Variants in SMC5 observed in about 807,000 individuals in gnomAD.
SMC5 encodes structural maintenance of chromosomes 5.
In SMC5, 88 loss-of-function variants were observed where a neutral mutation model predicts 148.3. The ratio of observed to expected loss-of-function variants is 0.59; its 90% CI spans 0.50 to 0.71. SMC5 has a LOEUF of 0.71. Among genes scored for constraint, SMC5 ranks in the 30% least tolerant of loss-of-function variants. The probability of loss-of-function intolerance (pLI) is 0.00; values close to 1 mark genes in which losing one functional copy is unlikely to be tolerated. For missense variants in SMC5, 1,142 were observed against 1,298.9 expected, an observed-to-expected ratio of 0.88 and a Z score of 1.86; for synonymous variants, 421 against 432.8, an observed-to-expected ratio of 0.97 and a Z score of 0.34.
chr9:70,278,625 G>A lies in SMC5; in HGVS notation c.678G>A (p.Glu226=). Residue 226 remains glutamate (E), a splice_region_variant and synonymous_variant, in exon 5 of 25, where the codon GAG becomes GAA. Transcript: ENST00000361138. ...KNLREKEKQL[E]TSCKEKTEYL... ...TAAGGGAGAAAGAAAAACAGCTCGAGGTACTTTAAATAGACAACTCATTTG... is the reference window on the plus strand; with the variant it reads ...TAAGGGAGAAAGAAAAACAGCTCGAAGTACTTTAAATAGACAACTCATTTG... 6.3e-7 allele frequency: 1 copy of A among 1,597,076 alleles called. No individual in the cohort carries two copies. The highest frequency in any genetic ancestry group is 1.9e-5 in the Admixed American group (1 of 54,042).
intron 4 of SMC5, among the ~76,000 whole-genome samples, chr9:70,277,801 G>A (rs950081700): frequency 1.3e-5 from 2 of 151,644 alleles, no homozygotes; most frequent in South Asian, 2.1e-4. Flanking sequence ...GTTTTTGTTC[G>A]TATACATTAT....
chr9:70,301,875 TAAAGC>T (rs963928804), intron 10 of SMC5, among the ~76,000 whole-genome samples: 2 of 152,194 alleles, frequency 1.3e-5, no homozygotes, highest in African/African-American at 4.8e-5. Flanking sequence ...TAAAAAATCA[TAAAGC>T]AGAAAGATGC....
chr9:70,274,125 A>T (rs1340197141), intron 3 of SMC5, among the ~76,000 whole-genome samples: 1 of 152,248 alleles, frequency 6.6e-6, no homozygotes, highest in Non-Finnish European at 1.5e-5. Context: ...TTAGTCGCCC[A>T]GGCTGGAGTG....
rs1009862524 is a variant in SMC5 at position 70,258,978 on chromosome 9, A to C, written c.-101A>C. 4 of 1,371,846 alleles carry C rather than the reference A, an allele frequency of 2.9e-6. No homozygotes were observed. Among genetic ancestry groups the C allele is most frequent in the Non-Finnish European group, 3.9e-6 (4 of 1,031,154 alleles). 85.0% of individuals were successfully genotyped at this position (1,371,846 alleles called of 1,614,324 possible). On this transcript the variant is annotated 5_prime_UTR_variant, in exon 1 of 25. Coordinates refer to ENST00000361138, the MANE Select transcript of SMC5 (RefSeq NM_015110.4). ...CGAGCGCGCGGTAACAGTTCGCGGC[A>C]GTTCGCGCGGGAGCGGGGCGCCTGG...
At chr9:70,331,777 G>A (rs74450726) in intron 17 of SMC5, among the ~76,000 whole-genome samples, 5,319 of 152,270 alleles carry the variant, frequency 0.035, 125 homozygotes, top group Non-Finnish European at 0.054. Context: ...TGAAGTAACA[G>A]GAACCATATT....
chr9:70,327,067 G>A (rs116939117), intron 17 of SMC5, among the ~76,000 whole-genome samples: 3,229 of 152,144 alleles, frequency 0.021, 40 homozygotes, highest in Middle Eastern at 0.065. Flanking sequence ...GTAAATATCG[G>A]AATGAACTCA....
In SMC5 at chr9:70,352,440, G is replaced by A; in HGVS notation, c.*109G>A. The A allele has an allele frequency of 8.8e-7, 1 of 1,135,418 alleles. No homozygotes were observed. Among genetic ancestry groups the A allele is most frequent in the Non-Finnish European group, 1.2e-6 (1 of 807,384 alleles). The allele number at this position is 1,135,418 out of a possible 1,614,324, so 70.3% of individuals were successfully genotyped here. ...CTAAAACGAAAAGCAGTTATTTTTG[G>A]AAACCTGCTTTTAAATACAAATAGG... On this transcript the variant is annotated 3_prime_UTR_variant, in exon 25 of 25. Coordinates refer to ENST00000361138, the MANE Select transcript of SMC5 (RefSeq NM_015110.4).
intron 1 of SMC5, among the ~76,000 whole-genome samples, chr9:70,260,413 C>T (rs974325937): frequency 1.1e-4 from 17 of 151,960 alleles, no homozygotes; most frequent in African/African-American, 4.1e-4. Flanking sequence ...GGCCGGAAGT[C>T]TTTTTAAAGC....
intron 12 of SMC5, 133 bp from the exon 13 acceptor site, chr9:70,315,313 G>A (rs199900247): frequency 9.2e-6 from 3 of 327,514 alleles, no homozygotes; most frequent in Admixed American, 6.2e-5. Context: ...AAATATAAAA[G>A]AAAAAAGACT....
intron 2 of SMC5, among the ~76,000 whole-genome samples, chr9:70,266,746 A>C (rs2034301655): frequency 6.6e-6 from 1 of 152,230 alleles, no homozygotes; most frequent in Admixed American, 6.5e-5. Flanking sequence ...AAAATTTAAC[A>C]AAAACATACT....
intron 3 of SMC5, among the ~76,000 whole-genome samples, chr9:70,271,675 A>G (rs1034127940): frequency 6.6e-6 from 1 of 152,220 alleles, no homozygotes; most frequent in Non-Finnish European, 1.5e-5. Flanking sequence ...TAGGAGTGAC[A>G]GAGTGGAGTT....
chr9:70,309,639 A>G (rs1216910819), intron 11 of SMC5, among the ~76,000 whole-genome samples: 2 of 152,128 alleles, frequency 1.3e-5, no homozygotes, highest in African/African-American at 2.4e-5. Flanking sequence ...AAGTTTTATC[A>G]TGAGATTGCA....
chr9:70,276,324 C>T (rs1156633708), intron 3 of SMC5, among the ~76,000 whole-genome samples: 1 of 152,218 alleles, frequency 6.6e-6, no homozygotes, highest in Non-Finnish European at 1.5e-5. Flanking sequence ...CGAATGCCTT[C>T]AAGATGAAAG....
At chr9:70,283,160 C>A (rs977164672) in intron 7 of SMC5, among the ~76,000 whole-genome samples, 1 of 152,086 alleles carries the variant, frequency 6.6e-6, no homozygotes, top group African/African-American at 2.4e-5. Flanking sequence ...GGTATTGACC[C>A]CTACTTAAGA....
chr9:70,269,388 C>T (rs899775484), intron 3 of SMC5, among the ~76,000 whole-genome samples: 4 of 151,986 alleles, frequency 2.6e-5, no homozygotes, highest in African/African-American at 9.7e-5. Flanking sequence ...TGGAGACCAG[C>T]CTGAGCAACA....
At chr9:70,312,386 A>G (rs1005580314) in intron 11 of SMC5, among the ~76,000 whole-genome samples, 3 of 152,086 alleles carry the variant, frequency 2.0e-5, no homozygotes, top group Non-Finnish European at 4.4e-5. Context: ...CGCCCCCATG[A>G]TCCAGTCACC....
chr9:70,351,231 A>G (rs755217156), intron 24 of SMC5, among the ~76,000 whole-genome samples: 3 of 152,004 alleles, frequency 2.0e-5, no homozygotes, highest in Non-Finnish European at 2.9e-5. Context: ...GCATGCGCCT[A>G]TAGTCCCAGC....
At chr9:70,351,655 T>C (rs2036806817) in intron 24 of SMC5, among the ~76,000 whole-genome samples, 1 of 152,106 alleles carries the variant, frequency 6.6e-6, no homozygotes, top group Non-Finnish European at 1.5e-5. Flanking sequence ...ATCCCAGTTA[T>C]CCTGTGAATC....
chr9:70,351,500 A>G (rs913655993), intron 24 of SMC5, among the ~76,000 whole-genome samples: 8 of 152,130 alleles, frequency 5.3e-5, no homozygotes, highest in African/African-American at 1.7e-4. Context: ...TTAGTCTACA[A>G]ATGTCCCTGT....
Sources: allele counts gnomAD v4.1 joint callset (sites outside exome capture counted in the v4.1 genomes callset), GRCh38; gene constraint gnomAD v4.1.1; transcripts MANE v1.5; gene names NCBI Gene and HGNC (gene_info 2026-07-23, HGNC 2026-07-21).